FRG1: variants seen among roughly 807,000 people sequenced by gnomAD.
FRG1 encodes the protein FSHD region gene 1.
In FRG1, 19 loss-of-function variants were observed where a neutral mutation model predicts 37.0. That is an observed-to-expected ratio of 0.51 (90% CI 0.36 to 0.75). The LOEUF (loss-of-function observed/expected upper bound fraction) is 0.75, where lower values mean the gene tolerates loss of function less well. Ranked by LOEUF, FRG1 falls within the 30% of genes least tolerant of loss-of-function variation. The pLI is 0.00. For missense variants in FRG1, 243 were observed against 301.4 expected, an observed-to-expected ratio of 0.81 and a Z score of 1.44; for synonymous variants, 73 against 96.5, an observed-to-expected ratio of 0.76 and a Z score of 1.43.
intron 6 of FRG1, among the ~76,000 whole-genome samples, chr4:189,960,126 G>A (rs1737166669): frequency 6.6e-6 from 1 of 152,176 alleles, no homozygotes; most frequent in South Asian, 2.1e-4. Flanking sequence ...ACTGGACTCT[G>A]GCCACAGAGA....
At chr4:189,956,087 A>G (rs777202498) in intron 5 of FRG1, among the ~76,000 whole-genome samples, 3 of 152,214 alleles carry the variant, frequency 2.0e-5, no homozygotes, top group Non-Finnish European at 4.4e-5. Context: ...GCATTTTTAC[A>G]TTGCAGCCCA....
intron 2 of FRG1, among the ~76,000 whole-genome samples, chr4:189,944,245 C>T (rs1736434700): frequency 1.3e-5 from 2 of 152,120 alleles, no homozygotes; most frequent in East Asian, 1.9e-4. Context: ...GATGCGATCT[C>T]GGTTCACTGC....
intron 5 of FRG1, among the ~76,000 whole-genome samples, chr4:189,956,188 C>T (rs546173139): frequency 6.6e-6 from 1 of 152,114 alleles, no homozygotes; most frequent in South Asian, 2.1e-4. Context: ...TCTCTTTTAC[C>T]CCTTCCTCTG....
At chr4:189,957,045 T>G (rs1737012109) in intron 5 of FRG1, among the ~76,000 whole-genome samples, 1 of 152,194 alleles carries the variant, frequency 6.6e-6, no homozygotes, top group Admixed American at 6.5e-5. Flanking sequence ...TTGAATAAAG[T>G]ATGCATTCAT....
At chr4:189,941,758 C>A in intron 1 of FRG1, 1 of 318,572 alleles carries the variant, frequency 3.1e-6, no homozygotes, top group Non-Finnish European at 6.3e-6. Context: ...AGGAGGAGGT[C>A]GTAATGGTAA....
At chr4:189,945,945 G>A (rs577645479) in intron 2 of FRG1, among the ~76,000 whole-genome samples, 1 of 151,970 alleles carries the variant, frequency 6.6e-6, no homozygotes, top group Non-Finnish European at 1.5e-5. Flanking sequence ...TTTTTTAAGA[G>A]ATATTTTCAG....
At chr4:189,948,730 G>C (rs1008616553) in intron 2 of FRG1, among the ~76,000 whole-genome samples, 1 of 152,198 alleles carries the variant, frequency 6.6e-6, no homozygotes, top group African/African-American at 2.4e-5. Context: ...TTGCTTTGTT[G>C]CTCAGGCTGG....
chr4:189,947,915 C>G (rs9992042), intron 2 of FRG1, among the ~76,000 whole-genome samples: 64,389 of 152,150 alleles, frequency 0.42, 15,911 homozygotes, highest in African/African-American at 0.69. Context: ...GCAGAAAACA[C>G]AAGTGTGTAT....
intron 2 of FRG1, among the ~76,000 whole-genome samples, chr4:189,951,947 A>G (rs1240525314): frequency 1.3e-5 from 2 of 152,190 alleles, no homozygotes; most frequent in Non-Finnish European, 2.9e-5. Context: ...AATAAGCTTC[A>G]TGGATTATAT....
At chr4:189,962,994 A>G in intron 8 of FRG1, 99 bp from the exon 9 acceptor site, 1 of 701,256 alleles carries the variant, frequency 1.4e-6, no homozygotes, top group Non-Finnish European at 2.3e-6. Flanking sequence ...TAATAACCAA[A>G]ATTGAACACA....
intron 2 of FRG1, among the ~76,000 whole-genome samples, chr4:189,947,824 ACT>A (rs1451586334): frequency 9.2e-5 from 14 of 151,992 alleles, no homozygotes; most frequent in Non-Finnish European, 2.1e-4. Context: ...GCACTGTAAG[ACT>A]CTCAGCTTAG....
chr4:189,943,262 T>A lies in FRG1; in HGVS notation c.123T>A (p.Leu41=), dbSNP rs769824098. The A allele has an allele frequency of 6.2e-7, 1 of 1,607,524 alleles. No individual in the cohort carries two copies. Among genetic ancestry groups the A allele is most frequent in the South Asian group, 1.1e-5 (1 of 89,410 alleles). ...RKREEDEETQ[L]DIVGIWWTVT... ...GAGAAGAAGATGAAGAAACCCAGCT[T>A]GATATTGTTGGTGAGTCAGTTTTCA... The change falls in exon 2 of 9, where the codon CTT becomes CTA. Residue 41 remains leucine, a synonymous_variant. Coordinates refer to ENST00000226798, the MANE Select transcript of FRG1 (RefSeq NM_004477.3).
At position 189,952,198 on chromosome 4, in the gene FRG1, C is replaced by A; in HGVS notation, c.170C>A (p.Ser57Ter). 6.2e-7 allele frequency: 1 copy of A among 1,600,196 alleles called. No individual in the cohort carries two copies. The highest frequency in any genetic ancestry group is 8.5e-7 in the Non-Finnish European group (1 of 1,172,594). Residue 57 changes from serine to a stop codon, truncating the protein, a stop_gained, in exon 3 of 9, where the codon TCA becomes TAA. Transcript: ENST00000226798. LOFTEE classifies it high-confidence loss of function. ...WWTVTNFGEI[S>*]GTIAIEMDKG... Reference sequence around the variant, plus strand: ...ACAGTAACAAACTTTGGTGAAATTTCAGGAACCATAGCCATTGAAATGGAT... The same window carrying A: ...ACAGTAACAAACTTTGGTGAAATTTAAGGAACCATAGCCATTGAAATGGAT...
At position 189,963,153 on chromosome 4, in the gene FRG1, T is replaced by C. The variant is rs536011766; in HGVS notation, c.*24T>C. 1.2e-5 allele frequency: 19 copies of C among 1,603,738 alleles called. No homozygotes were observed. The highest frequency in any genetic ancestry group is 1.2e-4 in the Admixed American group (7 of 59,584). On this transcript the variant is annotated 3_prime_UTR_variant, in exon 9 of 9. Coordinates refer to ENST00000226798, the MANE Select transcript of FRG1 (RefSeq NM_004477.3). ...GACTGGGATTTTTGTTTCTGCCTTA[T>C]CTTTCTGTGTTTTTTTCTGAATAAA...
chr4:189,943,115 C>G (rs1234833210), intron 1 of FRG1, 87 bp from the exon 2 acceptor site: 1 of 1,385,784 alleles, frequency 7.2e-7, no homozygotes, highest in African/African-American at 1.5e-5. Flanking sequence ...AATGAAACAG[C>G]TTAAAAGACT....
rs1475505135 is a variant in FRG1 at position 189,942,523 on chromosome 4, CATT to C, written c.63-678_63-676del. On this transcript the variant is annotated intron_variant, in intron 1 of 8. Transcript: ENST00000226798. ...CACTTATAACATTATTGAGGTTCAT[CATT>C]GTTGTAGCGCCTGTTCCTTTTTATG... Among the ~76,000 whole-genome samples the C allele has an allele frequency of 1.5e-3, 236 of 152,278 alleles. 1 individual carries two copies. Among genetic ancestry groups the C allele is most frequent in the African/African-American group, 5.3e-3 (219 of 41,560 alleles).
In FRG1 at chr4:189,941,065, C is replaced by A. The variant is rs1438643609; in HGVS notation, c.56C>A (p.Thr19Lys). ...STKLVLKGTK[T>K]KSKKKKSKDK... ...AAGCTCGTGCTCAAGGGAACCAAGA[C>A]GAAGAGGTGGGTCCTGCAGCTTGGG... is the stretch of plus-strand genomic sequence containing the variant. The change falls in exon 1 of 9, where the codon ACG becomes AAG. Residue 19 changes from threonine to lysine, a missense_variant. Physicochemically the swap from Thr to Lys is moderately conservative, Grantham distance 78. Around this residue, in one of 2 missense-constraint regions of FRG1, gnomAD observed 110 missense variants for 102.2 expected, o/e 1.08. Coordinates refer to ENST00000226798, the MANE Select transcript of FRG1 (RefSeq NM_004477.3). The A allele has an allele frequency of 1.9e-6, 3 of 1,613,830 alleles. No homozygotes were observed. Among genetic ancestry groups the A allele is most frequent in the Non-Finnish European group, 2.5e-6 (3 of 1,179,846 alleles).
At chr4:189,941,538 T>C (rs1231354119) in intron 1 of FRG1, among the ~76,000 whole-genome samples, 3 of 152,240 alleles carry the variant, frequency 2.0e-5, no homozygotes, top group African/African-American at 4.8e-5. Flanking sequence ...TTTAGGGATA[T>C]GGGCTCGAAC....
At chr4:189,946,434 A>G (rs202247611) in intron 2 of FRG1, among the ~76,000 whole-genome samples, 1 of 151,860 alleles carries the variant, frequency 6.6e-6, no homozygotes, top group Non-Finnish European at 1.5e-5. Flanking sequence ...GCCTGTTTCA[A>G]TATTACTTAT....
Sources: gnomAD v4.1 joint callset for allele counts (sites outside exome capture counted in the v4.1 genomes callset) on GRCh38, gnomAD v4.1.1 for gene constraint, gnomAD v4.1.1 regional missense constraint, MANE v1.5 for transcripts, NCBI Gene and HGNC (gene_info 2026-07-23, HGNC 2026-07-21) for gene names.